The following STAU1 variants were observed in gnomAD, a reference collection of about 807,000 sequenced individuals.
STAU1 encodes double-stranded RNA-binding protein Staufen homolog 1.
Under a neutral mutation model 62.9 loss-of-function variants are expected in STAU1, and 13 were observed. The observed-to-expected ratio is 0.21, with a 90% CI of 0.13 to 0.33. The LOEUF (loss-of-function observed/expected upper bound fraction) is 0.33, where lower values mean the gene tolerates loss of function less well. Ranked by LOEUF, STAU1 falls within the 10% of genes least tolerant of loss-of-function variation. The pLI, the probability that STAU1 is intolerant of heterozygous loss-of-function variation, is 1.00. For missense variants in STAU1, 571 were observed against 712.1 expected, an observed-to-expected ratio of 0.80 and a Z score of 2.25; for synonymous variants, 269 against 265.1, an observed-to-expected ratio of 1.01 and a Z score of -0.14.
At chr20:49,147,928 G>A (rs747634345) in intron 5 of STAU1, among the ~76,000 whole-genome samples, 1 of 152,152 alleles carries the variant, frequency 6.6e-6, no homozygotes, top group African/African-American at 2.4e-5. Flanking sequence ...ATATGTGCTT[G>A]TCAGTGAATA....
chr20:49,219,288 T>C, the STAU1 span: 2 of 1,477,982 alleles, frequency 1.4e-6, no homozygotes, highest in South Asian at 2.7e-5. Context: ...ACGCCCCATA[T>C]TGCCGCATGC....
chr20:49,212,846 C>T, the STAU1 span, among the ~76,000 whole-genome samples: 2 of 151,900 alleles, frequency 1.3e-5, no homozygotes, highest in African/African-American at 4.8e-5. Context: ...GGTCCACCCA[C>T]CTTGGCCTCC....
intron 3 of STAU1, among the ~76,000 whole-genome samples, chr20:49,156,902 C>T (rs2093367643): frequency 1.3e-5 from 2 of 148,786 alleles, no homozygotes; most frequent in Non-Finnish European, 3.0e-5. Context: ...TTAAGAGACA[C>T]AGTCTCACTC....
intron 6 of STAU1, among the ~76,000 whole-genome samples, chr20:49,133,406 A>T (rs183331440): frequency 6.6e-6 from 1 of 152,030 alleles, no homozygotes; most frequent in Admixed American, 6.6e-5. Flanking sequence ...CGGTCTTGGT[A>T]CCCCTCCCCC....
At chr20:49,173,730 A>C (rs1838305626) in intron 2 of STAU1, among the ~76,000 whole-genome samples, 1 of 151,862 alleles carries the variant, frequency 6.6e-6, no homozygotes, top group Admixed American at 6.6e-5. Flanking sequence ...CTCTTAGAAA[A>C]CTCCTTTTTT....
intron 9 of STAU1, among the ~76,000 whole-genome samples, chr20:49,119,054 C>G (rs1055032977): frequency 2.0e-5 from 3 of 152,180 alleles, no homozygotes; most frequent in Non-Finnish European, 4.4e-5. Context: ...ATATGACTGG[C>G]AGACATGAAT....
chr20:49,152,285 A>G (rs962738324), intron 4 of STAU1, among the ~76,000 whole-genome samples: 1 of 150,766 alleles, frequency 6.6e-6, no homozygotes, highest in Admixed American at 6.6e-5. Context: ...CTATCCCCCA[A>G]CAGAGAGCAG....
At chr20:49,181,270 G>A (rs547084997) in intron 1 of STAU1, among the ~76,000 whole-genome samples, 2 of 152,116 alleles carry the variant, frequency 1.3e-5, no homozygotes, top group Non-Finnish European at 2.9e-5. Flanking sequence ...CTTTCACCCT[G>A]TAATTCTAAC....
intron 3 of STAU1, among the ~76,000 whole-genome samples, chr20:49,154,592 G>A (rs953935110): frequency 6.6e-6 from 1 of 152,018 alleles, no homozygotes; most frequent in Non-Finnish European, 1.5e-5. Flanking sequence ...CTGGCCAGGC[G>A]TGGTGGCTCA....
chr20:49,209,727 G>C, the STAU1 span, among the ~76,000 whole-genome samples: 1 of 151,892 alleles, frequency 6.6e-6, no homozygotes, highest in Non-Finnish European at 1.5e-5. Context: ...TGGGCAACAA[G>C]AGCAAAACTC....
intron 3 of STAU1, among the ~76,000 whole-genome samples, chr20:49,162,962 G>C (rs555158897): frequency 6.6e-6 from 1 of 152,010 alleles, no homozygotes; most frequent in South Asian, 2.1e-4. Flanking sequence ...AGGAGGCCAA[G>C]GTAGGCGGAT....
rs138451561 is a variant in STAU1 at position 49,154,689 on chromosome 20, C to T, written c.206-618G>A. Among the ~76,000 whole-genome samples, 789 of 152,064 alleles carry T rather than the reference C, an allele frequency of 5.2e-3. 9 individuals carry two copies. The highest frequency in any genetic ancestry group is 0.018 in the African/African-American group (742 of 41,486). Reference sequence around the variant, plus strand: ...GACCATCTTGGCTAACATGGTGAAACCCTATCTCTACTAAAAAATACAAAA... The same window carrying T: ...GACCATCTTGGCTAACATGGTGAAATCCTATCTCTACTAAAAAATACAAAA... On this transcript the variant is annotated intron_variant, in intron 3 of 13. Coordinates refer to ENST00000371856, the MANE Select transcript of STAU1 (RefSeq NM_017453.4).
chr20:49,194,444 A>G, the STAU1 span, among the ~76,000 whole-genome samples: 1,049 of 148,952 alleles, frequency 7.0e-3, 13 homozygotes, highest in African/African-American at 0.025. Context: ...AAAAAAAAAA[A>G]AAAGAAAAGA....
intron 1 of STAU1, among the ~76,000 whole-genome samples, chr20:49,184,640 C>G (rs548969724): frequency 1.5e-4 from 23 of 152,288 alleles, no homozygotes; most frequent in South Asian, 4.1e-4. Flanking sequence ...GCAACTTATT[C>G]TCAAGAAACT....
At chr20:49,161,173 A>C in intron 3 of STAU1, among the ~76,000 whole-genome samples, 1 of 151,966 alleles carries the variant, frequency 6.6e-6, no homozygotes, top group East Asian at 1.9e-4. Context: ...TAAAAAAAAA[A>C]AAAACTAGCT....
the STAU1 span, among the ~76,000 whole-genome samples, chr20:49,219,086 C>T: frequency 6.7e-6 from 1 of 149,292 alleles, no homozygotes; most frequent in Non-Finnish European, 1.5e-5. Context: ...TCACAGCTAA[C>T]TGCTTATTGT....
intron 5 of STAU1, among the ~76,000 whole-genome samples, chr20:49,145,712 G>C (rs8122757): frequency 0.21 from 32,324 of 150,472 alleles, 3,546 homozygotes; most frequent in Non-Finnish European, 0.24. Context: ...CCTGGCAACA[G>C]AGCGAGACTC....
At chr20:49,128,089 C>T (rs1205200899) in intron 6 of STAU1, among the ~76,000 whole-genome samples, 6 of 151,332 alleles carry the variant, frequency 4.0e-5, no homozygotes, top group South Asian at 2.1e-4. Context: ...GCAGAGGTTG[C>T]GGTAAGCTGA....
At chr20:49,212,052 G>C in the STAU1 span, among the ~76,000 whole-genome samples, 5 of 151,904 alleles carry the variant, frequency 3.3e-5, no homozygotes, top group Admixed American at 1.3e-4. Flanking sequence ...GCAGTGGCAC[G>C]GTCATGGCTC....
Sources: allele counts gnomAD v4.1 joint callset (sites outside exome capture counted in the v4.1 genomes callset), GRCh38; gene constraint gnomAD v4.1.1; transcripts MANE v1.5; gene names NCBI Gene and HGNC (gene_info 2026-07-23, HGNC 2026-07-21).